Variants in NKAIN2 observed in about 807,000 individuals in gnomAD.
NKAIN2 encodes the protein sodium/potassium transporting ATPase interacting 2, also known as sodium/potassium-transporting ATPase subunit beta-1-interacting protein 2.
In NKAIN2, 14 loss-of-function variants were observed where a neutral mutation model predicts 32.6. The ratio of observed to expected loss-of-function variants is 0.43; its 90% CI spans 0.28 to 0.67. NKAIN2 has a LOEUF of 0.67. Ranked by LOEUF, NKAIN2 falls within the 30% of genes least tolerant of loss-of-function variation. The pLI is 0.17. For synonymous variants in NKAIN2, 80 were observed against 87.2 expected, an observed-to-expected ratio of 0.92 and a Z score of 0.46; for missense variants, 198 against 258.3, an observed-to-expected ratio of 0.77 and a Z score of 1.60.
At chr6:124,031,400 T>G (rs1333280803) in intron 1 of NKAIN2, among the ~76,000 whole-genome samples, 3 of 152,210 alleles carry the variant, frequency 2.0e-5, no homozygotes, top group Admixed American at 6.5e-5. Flanking sequence ...TTTCTGTGTC[T>G]CTATCTCCTT....
chr6:123,810,716 T>G (rs1419659035), intron 1 of NKAIN2, among the ~76,000 whole-genome samples: 1 of 152,178 alleles, frequency 6.6e-6, no homozygotes, highest in Non-Finnish European at 1.5e-5. Flanking sequence ...AGTATTGTTA[T>G]TTGCCTGTTT....
chr6:124,478,754 G>C (rs746787346), intron 3 of NKAIN2, among the ~76,000 whole-genome samples: 5 of 152,226 alleles, frequency 3.3e-5, no homozygotes, highest in Non-Finnish European at 1.5e-5. Flanking sequence ...CCAAATAATT[G>C]ATGTAGATAT....
At chr6:124,598,676 GAA>G (rs34291555) in intron 3 of NKAIN2, among the ~76,000 whole-genome samples, 11 of 142,220 alleles carry the variant, frequency 7.7e-5, no homozygotes, top group Middle Eastern at 3.5e-3. Context: ...TGAAGATTTT[GAA>G]AAAAAAAAAA....
Position 124,646,311 on chromosome 6 carries a change from A to G in NKAIN2, c.274-11875A>G, listed in dbSNP as rs145682473. On this transcript the variant is annotated intron_variant, in intron 3 of 6. Coordinates refer to ENST00000368417, the MANE Select transcript of NKAIN2 (RefSeq NM_001040214.3). The stretch of plus-strand genomic sequence containing the variant: ...TTCAAAACGTTAAAAATTTTAAAAT[A>G]GTTCACTATTAGACTCGCAAGACTT... 4.7e-4 allele frequency among the ~76,000 whole-genome samples: 72 copies of G among 152,300 alleles called. No individual in the cohort carries two copies. In the East Asian group the frequency reaches 0.013, roughly 27 times the overall value.
rs144353814 is a variant in NKAIN2, at chr6:123,959,880, C to A, written c.54+155626C>A. ...GGGATTATCAGCCTAGGCAACAGTG[C>A]AAGTTCTTCCGGAGTCAGAGCAGAA... On this transcript the variant is annotated intron_variant, in intron 1 of 6. Coordinates refer to ENST00000368417, the MANE Select transcript of NKAIN2 (RefSeq NM_001040214.3). Among the ~76,000 whole-genome samples, 32 of 150,704 alleles carry A rather than the reference C, an allele frequency of 2.1e-4. No individual in the cohort carries two copies. The East Asian group carries it at 5.3e-3, about 25-fold the overall frequency.
At chr6:124,823,188 C>T (rs757760320) in intron 6 of NKAIN2, 32 bp from the exon 7 acceptor site, 7 of 1,509,840 alleles carry the variant, frequency 4.6e-6, no homozygotes, top group Non-Finnish European at 1.8e-6. Flanking sequence ...TCACTTTCCC[C>T]CTTGACTAAA....
At chr6:123,948,597 A>AAT (rs1777180695) in intron 1 of NKAIN2, among the ~76,000 whole-genome samples, 1 of 49,276 alleles carries the variant, frequency 2.0e-5, no homozygotes, top group Non-Finnish European at 4.1e-5. Context: ...CTTAAATGGG[A>AAT]TTTTTTTTTT....
At chr6:124,346,136 G>T (rs9385325) in intron 2 of NKAIN2, among the ~76,000 whole-genome samples, 1 of 151,912 alleles carries the variant, frequency 6.6e-6, no homozygotes, top group African/African-American at 2.4e-5. Context: ...CCATGTAGTT[G>T]AGCAGTTTTG....
chr6:124,330,536 G>C (rs1047562710), intron 2 of NKAIN2, among the ~76,000 whole-genome samples: 2 of 152,188 alleles, frequency 1.3e-5, no homozygotes, highest in East Asian at 1.9e-4. Context: ...TGACATGAAG[G>C]CTGCACCTGA....
chr6:124,234,480 G>C (rs1298262325), intron 1 of NKAIN2, among the ~76,000 whole-genome samples: 4 of 152,008 alleles, frequency 2.6e-5, no homozygotes, highest in Non-Finnish European at 2.9e-5. Flanking sequence ...CTAAATTCTA[G>C]TATGCATACA....
At chr6:124,383,295 A>C (rs535022043) in intron 3 of NKAIN2, among the ~76,000 whole-genome samples, 2 of 152,218 alleles carry the variant, frequency 1.3e-5, no homozygotes, top group South Asian at 4.1e-4. Flanking sequence ...CCATCTTCCC[A>C]GAGTTTGACT....
intron 1 of NKAIN2, among the ~76,000 whole-genome samples, chr6:123,818,344 TTC>T (rs1773784442): frequency 7.3e-6 from 1 of 136,656 alleles, no homozygotes; most frequent in Non-Finnish European, 1.5e-5. Context: ...ATTTTCAGAC[TTC>T]TTGTGGAAAC....
intron 2 of NKAIN2, among the ~76,000 whole-genome samples, chr6:124,348,673 G>A (rs955517489): frequency 3.9e-4 from 60 of 152,350 alleles, no homozygotes; most frequent in African/African-American, 1.4e-3. Flanking sequence ...GAGCGACGCA[G>A]AAGATGGGTG....
At chr6:124,392,717 T>C (rs1364790925) in intron 3 of NKAIN2, among the ~76,000 whole-genome samples, 1 of 152,152 alleles carries the variant, frequency 6.6e-6, no homozygotes, top group East Asian at 1.9e-4. Flanking sequence ...CTTCTATTGA[T>C]TTTTGAAGGG....
chr6:124,731,937 C>A (rs1347592486), intron 4 of NKAIN2, among the ~76,000 whole-genome samples: 1 of 151,960 alleles, frequency 6.6e-6, no homozygotes, highest in Non-Finnish European at 1.5e-5. Context: ...TGAAAATGAA[C>A]ACATAGTAAG....
chr6:124,009,523 CT>C (rs1041615999), intron 1 of NKAIN2, among the ~76,000 whole-genome samples: 5 of 152,000 alleles, frequency 3.3e-5, no homozygotes, highest in African/African-American at 1.2e-4. Context: ...ACTGCATACC[CT>C]ACAATGTCTT....
rs544862663 is a variant in NKAIN2, at chr6:124,175,313, A to G, written c.55-107692A>G. Reference sequence around the variant, plus strand: ...TCTGTATGAAGGCATTACTATTTGTAGGGAAAAAAAGAACAATATTATGCT... The same window carrying G: ...TCTGTATGAAGGCATTACTATTTGTGGGGAAAAAAAGAACAATATTATGCT... On this transcript the variant is annotated intron_variant, in intron 1 of 6. Transcript: ENST00000368417. Among the ~76,000 whole-genome samples the G allele has an allele frequency of 1.1e-4, 16 of 152,290 alleles. No individual in the cohort carries two copies. In the East Asian group the frequency reaches 1.7e-3, roughly 17 times the overall value.
Position 123,956,955 on chromosome 6 carries a change from G to A in NKAIN2, c.54+152701G>A, listed in dbSNP as rs529998545. ...TTAACTTTTAAGTTCAGGAGTACAC[G>A]GGCAGATTTGTTATAAAGGTAAGCT... On this transcript the variant is annotated intron_variant, in intron 1 of 6. Transcript: ENST00000368417. 2.9e-4 allele frequency among the ~76,000 whole-genome samples: 44 copies of A among 152,200 alleles called. No homozygotes were observed. The South Asian group carries it at 4.8e-3, about 17-fold the overall frequency.
At chr6:123,826,500 T>C (rs546006423) in intron 1 of NKAIN2, among the ~76,000 whole-genome samples, 1 of 152,204 alleles carries the variant, frequency 6.6e-6, no homozygotes, top group East Asian at 1.9e-4. Context: ...CCTTTCCCAT[T>C]GAACAGTAAC....
Sources: gnomAD v4.1 joint callset for allele counts (sites outside exome capture counted in the v4.1 genomes callset) on GRCh38, gnomAD v4.1.1 for gene constraint, MANE v1.5 for transcripts, NCBI Gene and HGNC (gene_info 2026-07-23, HGNC 2026-07-21) for gene names.